Variants in ARHGAP9 observed in about 807,000 individuals in gnomAD.
ARHGAP9 encodes the protein Rho GTPase activating protein 9, also known as rho GTPase-activating protein 9.
Under a neutral mutation model 87.3 loss-of-function variants are expected in ARHGAP9, and 76 were observed. The ratio of observed to expected loss-of-function variants is 0.87; its 90% CI spans 0.72 to 1.05. The LOEUF is 1.05. ARHGAP9 is among the 50% of genes least tolerant of loss of function. ARHGAP9 has a pLI of 0.00. For synonymous variants in ARHGAP9, 382 were observed against 394.9 expected (o/e 0.97, Z 0.39); for missense variants, 941 against 960.5 (o/e 0.98, Z 0.27).
At chr12:57,484,971 A>G (rs1445330372) in intron 1 of ARHGAP9, among the ~76,000 whole-genome samples, 1 of 143,446 alleles carries the variant, frequency 7.0e-6, no homozygotes, top group African/African-American at 2.6e-5. Context: ...TTTGAGACAG[A>G]GTCTGGCTCT....
chr12:57,474,471 C>A lies in ARHGAP9; in HGVS notation c.1735G>T (p.Ala579Ser). ...ACATACCTCCCATCGGAGGTGACCG[C>A]ACGCTCTGCAACATGAATGAGGAGA... Reference protein sequence around the residue: ...KLRFLVDRERAVTSDGRYVFP... With the variant: ...KLRFLVDRERSVTSDGRYVFP... The change falls in exon 15 of 18, where the codon GCG (alanine) becomes TCG (serine). Residue 579 changes from alanine (A) to serine (S), a missense_variant. Transcript: ENST00000393791. 1.9e-6 allele frequency: 3 copies of A among 1,614,176 alleles called. No homozygotes were observed. Among genetic ancestry groups the A allele is most frequent in the Non-Finnish European group, 2.5e-6 (3 of 1,180,044 alleles).
chr12:57,479,903 T>C, upstream of ARHGAP9: 1 of 1,447,178 alleles, frequency 6.9e-7, no homozygotes, highest in Non-Finnish European at 9.1e-7. Context: ...ATTAAATTTA[T>C]GCAAGCATCA....
At chr12:57,485,338 C>T (rs1403111751) in intron 1 of ARHGAP9, among the ~76,000 whole-genome samples, 1 of 151,702 alleles carries the variant, frequency 6.6e-6, no homozygotes, top group Non-Finnish European at 1.5e-5. Context: ...GGTGTATCAC[C>T]TGAGTTCAGG....
chr12:57,476,817 G>C lies in ARHGAP9; in HGVS notation c.963+54C>G, dbSNP rs193210096. 2.0e-5 allele frequency: 30 copies of C among 1,532,434 alleles called. No individual in the cohort carries two copies. In the African/African-American group the frequency reaches 2.5e-4, roughly 13 times the overall value. 94.9% of individuals were successfully genotyped at this position (1,532,434 alleles called of 1,614,324 possible). ...AGATGTTTATGTGGAGCAGGAAAAG[G>C]GGGGAGGGGGGGCAGGGAGGATCTT... On this transcript the variant is annotated intron_variant, in intron 6 of 17. Transcript: ENST00000393791.
At position 57,477,652 on chromosome 12, in the gene ARHGAP9, G is replaced by T. The variant is rs777374501; in HGVS notation, c.563C>A (p.Pro188His). ...GTCCACCAGGTTACAGTACACAGGGGGCTCTGACATGAGGGGCTGGGGGCC... is the reference window on the plus strand; with the variant it reads ...GTCCACCAGGTTACAGTACACAGGGTGCTCTGACATGAGGGGCTGGGGGCC... ...TAGPQPLMSE[P>H]PVYCNLVDLR... is the part of the protein sequence containing the mutation. The change falls in exon 4 of 18, where the codon CCC becomes CAC. Residue 188 changes from proline to histidine, a missense_variant. Physicochemically the swap from Pro to His is moderately conservative, Grantham distance 77 (BLOSUM62 -2). Coordinates refer to ENST00000393791, the MANE Select transcript of ARHGAP9 (RefSeq NM_032496.4). The T allele has an allele frequency of 1.9e-6, 3 of 1,613,102 alleles. No individual in the cohort carries two copies. The highest frequency in any genetic ancestry group is 2.7e-5 in the African/African-American group (2 of 74,946).
chr12:57,488,803 G>A, exon 1 of ARHGAP9: 1 of 847,790 alleles, frequency 1.2e-6, no homozygotes, highest in Non-Finnish European at 1.9e-6. Flanking sequence ...GTCCCCATCT[G>A]TTGCTTCCAG....
intron 1 of ARHGAP9, among the ~76,000 whole-genome samples, chr12:57,486,521 C>T (rs1331585766): frequency 1.3e-5 from 2 of 151,388 alleles, no homozygotes; most frequent in African/African-American, 4.8e-5. Flanking sequence ...CTGCTCGCCT[C>T]GGCCTCCCAA....
At chr12:57,473,921 G>A in intron 16 of ARHGAP9, 121 bp downstream of exon 16, 9 of 1,427,244 alleles carry the variant, frequency 6.3e-6, no homozygotes, top group Non-Finnish European at 7.4e-6. Flanking sequence ...CACCTGAGTT[G>A]AACATTATTT....
exon 1 of ARHGAP9, chr12:57,488,692 C>T (rs753850794): frequency 2.0e-6 from 3 of 1,525,218 alleles, no homozygotes; most frequent in Non-Finnish European, 2.7e-6. Context: ...TAATTTTGTT[C>T]TCCCACTGTG....
In ARHGAP9 at chr12:57,472,382, C is replaced by T. The variant is rs1279270396; in HGVS notation, c.*135G>A. ...CTTTAGAGAAGCTCCCTCACCCATC[C>T]CAACACCTCAAGTCACACTCATGAA... On this transcript the variant is annotated 3_prime_UTR_variant, in exon 18 of 18. Coordinates refer to ENST00000393791, the MANE Select transcript of ARHGAP9 (RefSeq NM_032496.4). 1 of 1,171,974 alleles carries T rather than the reference C, an allele frequency of 8.5e-7. No homozygotes were observed. Among genetic ancestry groups the T allele is most frequent in the African/African-American group, 1.6e-5 (1 of 64,028 alleles). 72.6% of individuals were successfully genotyped at this position (1,171,974 alleles called of 1,614,324 possible). A position where few individuals can be genotyped will look rare whatever the true frequency, so the allele number is the denominator to read the frequency against.
chr12:57,475,388 G>A lies in ARHGAP9; in HGVS notation c.1455C>T (p.Pro485=), dbSNP rs1873196518. The A allele has an allele frequency of 1.3e-6, 2 of 1,594,832 alleles. No individual in the cohort carries two copies. The highest frequency in any genetic ancestry group is 1.3e-5 in the African/African-American group (1 of 74,676). Reference sequence around the variant, plus strand: ...GCACGCGGTTCTGCTCGGTGCCTTCGGGCCCCCGAACTGCAGGAGGCAGGT... The same window carrying A: ...GCACGCGGTTCTGCTCGGTGCCTTCAGGCCCCCGAACTGCAGGAGGCAGGT... ...LSSRRSSIRG[P]EGTEQNRVRN... is the part of the protein sequence containing the mutation. The change falls in exon 12 of 18, where the codon CCC becomes CCT. Residue 485 remains proline, a synonymous_variant. Coordinates refer to ENST00000393791, the MANE Select transcript of ARHGAP9 (RefSeq NM_032496.4).
At chr12:57,478,342 T>C in intron 3 of ARHGAP9, 198 bp downstream of exon 3, 1 of 612,016 alleles carries the variant, frequency 1.6e-6, no homozygotes, top group South Asian at 2.1e-5. Flanking sequence ...CTGAATGCCG[T>C]GACCTCACAG....
At chr12:57,475,667 C>A in intron 10 of ARHGAP9, 52 bp from the exon 11 acceptor site, 1 of 1,583,996 alleles carries the variant, frequency 6.3e-7, no homozygotes, top group Non-Finnish European at 8.6e-7. Flanking sequence ...AAATCTGTAT[C>A]CCTAGCTGGA....
In ARHGAP9 at chr12:57,473,620, G is replaced by A. The variant is rs1352411292; in HGVS notation, c.2007C>T (p.Leu669=). Reference sequence around the variant, plus strand: ...TTCCTGACCTGCATAAATGCTCCAGGAGGTACCGTAGAGTGTCATGGTTGG... The same window carrying A: ...TTCCTGACCTGCATAAATGCTCCAGAAGGTACCGTAGAGTGTCATGGTTGG... The part of the protein sequence containing the change: ...PKPNHDTLRY[L]LEHLCRVIAH... The change falls in exon 17 of 18, where the codon CTC becomes CTT. Residue 669 remains leucine (L), a synonymous_variant. Coordinates refer to ENST00000393791, the MANE Select transcript of ARHGAP9 (RefSeq NM_032496.4). 1 of 1,613,580 alleles carries A rather than the reference G, an allele frequency of 6.2e-7. No homozygotes were observed. The highest frequency in any genetic ancestry group is 8.5e-7 in the Non-Finnish European group (1 of 1,179,582).
rs766709213 is a variant in ARHGAP9, at chr12:57,473,661, C to T, written c.1966G>A (p.Gly656Ser). ...TCATGGTTGGGCTTTGGCATTGAGC[C>T]TATTAATTCTTGTATCTGAGAGAGG... Reference protein sequence around the residue: ...QCLSQIQELIGSMPKPNHDTL... With the variant: ...QCLSQIQELISSMPKPNHDTL... The change falls in exon 17 of 18, where the codon GGC (glycine) becomes AGC (serine). Residue 656 changes from glycine (G) to serine (S), a missense_variant. Gly to Ser is a moderately conservative substitution (Grantham distance 56). Coordinates refer to ENST00000393791, the MANE Select transcript of ARHGAP9 (RefSeq NM_032496.4). 2 of 1,613,974 alleles carry T rather than the reference C, an allele frequency of 1.2e-6. No individual in the cohort carries two copies. The highest frequency in any genetic ancestry group is 2.2e-5 in the East Asian group (1 of 44,890).
In ARHGAP9 at chr12:57,476,664, G is replaced by A; in HGVS notation, c.964-13C>T. On this transcript the variant is annotated splice_polypyrimidine_tract_variant and intron_variant, in intron 6 of 17. Coordinates refer to ENST00000393791, the MANE Select transcript of ARHGAP9 (RefSeq NM_032496.4). ...ACTTTTCCACCTCCTGGGAAGTGGA[G>A]GGAATGGGATCTGTAAGTCACCCTC... is the stretch of plus-strand genomic sequence containing the variant. 1 of 1,582,932 alleles carries A rather than the reference G, an allele frequency of 6.3e-7. No individual in the cohort carries two copies. The highest frequency in any genetic ancestry group is 8.6e-7 in the Non-Finnish European group (1 of 1,159,272).
At chr12:57,485,513 A>C (rs1435901972) in intron 1 of ARHGAP9, among the ~76,000 whole-genome samples, 2 of 146,942 alleles carry the variant, frequency 1.4e-5, no homozygotes, top group Non-Finnish European at 3.0e-5. Context: ...CCAAGACCAC[A>C]CCATTGCACT....
Position 57,472,673 on chromosome 12 carries a change from T to G in ARHGAP9, c.2040A>C (p.Ser680=). 1 of 1,614,206 alleles carries G rather than the reference T, an allele frequency of 6.2e-7. No individual in the cohort carries two copies. ...LEHLCRVIAH[S]DKNRMTPHNL... is the part of the protein sequence containing the mutation. ...TGTGGGGTGTCATGCGATTCTTATC[T>G]GAGTGTGCTATCACCCTGTAAGCAA... Residue 680 remains serine (S), a synonymous_variant, in exon 18 of 18, where the codon TCA becomes TCC. Coordinates refer to ENST00000393791, the MANE Select transcript of ARHGAP9 (RefSeq NM_032496.4).
exon 1 of ARHGAP9, chr12:57,488,674 A>G (rs1419657508): frequency 3.2e-6 from 5 of 1,546,956 alleles, no homozygotes; most frequent in African/African-American, 1.4e-5. Context: ...AAGTCTTCTC[A>G]GTTCTTTTAA....
Sources: gnomAD v4.1 joint callset for allele counts (sites outside exome capture counted in the v4.1 genomes callset) on GRCh38, gnomAD v4.1.1 for gene constraint, MANE v1.5 for transcripts, NCBI Gene and HGNC (gene_info 2026-07-23, HGNC 2026-07-21) for gene names.